Variants in HYDIN observed in about 807,000 individuals in gnomAD.
The protein encoded by HYDIN is HYDIN axonemal central pair apparatus protein, also known as axonemal central pair apparatus protein HYDIN.
A neutral mutation model predicts 403.9 loss-of-function variants in HYDIN; 132 were observed. The ratio of observed to expected loss-of-function variants is 0.33; its 90% confidence interval spans 0.28 to 0.38. The LOEUF (loss-of-function observed/expected upper bound fraction) is 0.38, where lower values mean the gene tolerates loss of function less well. Among genes scored for constraint, HYDIN ranks in the 10% least tolerant of loss-of-function variants. HYDIN has a pLI of 1.00. For synonymous variants in HYDIN, 1,202 were observed against 1,891.7 expected, an observed-to-expected ratio of 0.64 and a Z score of 9.46; for missense variants, 2,827 against 5,009.5, an observed-to-expected ratio of 0.56 and a Z score of 13.15.
intron 3 of HYDIN, among the ~76,000 whole-genome samples, chr16:71,183,235 C>T (rs1343212025): frequency 1.3e-5 from 2 of 151,796 alleles, no homozygotes; most frequent in African/African-American, 4.8e-5. Context: ...GAAATATATA[C>T]ATAACTCAAA....
intron 8 of HYDIN, among the ~76,000 whole-genome samples, chr16:71,133,987 C>A (rs571370236): frequency 6.6e-6 from 1 of 152,230 alleles, no homozygotes; most frequent in South Asian, 2.1e-4. Flanking sequence ...ATGGGAACAA[C>A]CCTCTGTCCC....
In HYDIN at chr16:70,805,578, G is replaced by A. The variant is rs546676800; in HGVS notation, c.*2002C>T. Among the ~76,000 whole-genome samples the A allele has an allele frequency of 5.9e-5, 9 of 152,310 alleles. No homozygotes were observed. In the South Asian group the frequency reaches 1.9e-3, roughly 32 times the overall value. On this transcript the variant is annotated 3_prime_UTR_variant, in exon 86 of 86. Coordinates refer to ENST00000393567, the MANE Select transcript of HYDIN (RefSeq NM_001270974.2). ...CAATCTGTTTCAGTAAGCCCTCCAG[G>A]GGATGCTGATGTATACTAATATTTC...
intron 19 of HYDIN, chr16:71,031,421 A>G: frequency 1.5e-6 from 2 of 1,309,454 alleles, no homozygotes; most frequent in Non-Finnish European, 9.8e-7. Flanking sequence ...CAGTTTGAGA[A>G]AAGAATGCAT....
At chr16:71,134,797 A>C (rs2084850524) in intron 8 of HYDIN, among the ~76,000 whole-genome samples, 1 of 152,202 alleles carries the variant, frequency 6.6e-6, no homozygotes, top group African/African-American at 2.4e-5. Flanking sequence ...ATAATAGGAA[A>C]GTTGTTTGCT....
In HYDIN at chr16:71,214,786, G is replaced by A. The variant is rs75704672; in HGVS notation, c.-24+15776C>T. 1.9e-3 allele frequency among the ~76,000 whole-genome samples: 292 copies of A among 152,318 alleles called. 5 individuals carry two copies. Among genetic ancestry groups the A allele is most frequent in the Admixed American group, 0.016 (250 of 15,300 alleles). On this transcript the variant is annotated intron_variant, in intron 1 of 85. Transcript: ENST00000393567. ...GTGGGACAAAACCTCAGTTGTCCAT[G>A]TTGATAGCCAACTTAAGAACACAGC... is the stretch of plus-strand genomic sequence containing the variant.
chr16:70,925,556 G>A (rs1333476667), intron 45 of HYDIN, among the ~76,000 whole-genome samples: 46 of 152,276 alleles, frequency 3.0e-4, no homozygotes, highest in African/African-American at 7.9e-4. Flanking sequence ...ATGGGCAAGG[G>A]CTTCATGTCT....
intron 50 of HYDIN, among the ~76,000 whole-genome samples, chr16:70,906,770 A>G (rs1163527492): frequency 6.6e-6 from 1 of 151,914 alleles, no homozygotes; most frequent in Admixed American, 6.6e-5. Flanking sequence ...ATGTTGTTGA[A>G]CCCTGTGGAC....
intron 1 of HYDIN, among the ~76,000 whole-genome samples, chr16:71,202,600 A>G (rs1598019707): frequency 6.6e-6 from 1 of 152,258 alleles, no homozygotes; most frequent in South Asian, 2.1e-4. Context: ...ACCTGCAACA[A>G]TCCATCCTTT....
At chr16:70,877,552 T>C (rs935251232) in intron 62 of HYDIN, among the ~76,000 whole-genome samples, 1 of 152,224 alleles carries the variant, frequency 6.6e-6, no homozygotes. Flanking sequence ...GGTTTTGGGT[T>C]GAAACTGTTC....
intron 1 of HYDIN, among the ~76,000 whole-genome samples, chr16:71,210,752 C>A (rs2088544532): frequency 6.6e-6 from 1 of 152,124 alleles, no homozygotes; most frequent in South Asian, 2.1e-4. Context: ...AAATTTCACT[C>A]ATTTAGATGA....
chr16:71,224,471 T>C (rs575923568), intron 1 of HYDIN, among the ~76,000 whole-genome samples: 23 of 152,322 alleles, frequency 1.5e-4, no homozygotes, highest in African/African-American at 5.5e-4. Flanking sequence ...GCTGCTCAAT[T>C]TGCAAATTGT....
At chr16:71,086,716 C>T (rs1314748026) in intron 12 of HYDIN, among the ~76,000 whole-genome samples, 6 of 152,258 alleles carry the variant, frequency 3.9e-5, no homozygotes, top group Non-Finnish European at 7.4e-5. Context: ...TTCCTGATGC[C>T]CAGTAGTCAG....
At position 70,992,051 on chromosome 16, in the gene HYDIN, A is replaced by G. The variant is rs771220601; in HGVS notation, c.3785+19T>C. 16 of 1,613,526 alleles carry G rather than the reference A, an allele frequency of 9.9e-6. No individual in the cohort carries two copies. The highest frequency in any genetic ancestry group is 1.4e-5 in the Non-Finnish European group (16 of 1,179,798). On this transcript the variant is annotated intron_variant, in intron 24 of 85. Transcript: ENST00000393567. Reference sequence around the variant, plus strand: ...AAAGAAAAGCTACTACAAATAATCTATGTTGGCTTTGCACTTACTTAACAA... The same window carrying G: ...AAAGAAAAGCTACTACAAATAATCTGTGTTGGCTTTGCACTTACTTAACAA...
At position 70,970,507 on chromosome 16, in the gene HYDIN, G is replaced by T. The variant is rs1453471209; in HGVS notation, c.5619+13C>A. On this transcript the variant is annotated intron_variant, in intron 36 of 85. Transcript: ENST00000393567. The stretch of plus-strand genomic sequence containing the variant: ...AACGTGTAGAAAAACAGTTTGGTTT[G>T]ACCTCTGCTCACCTTTTCTTCTATG... 6 of 1,601,436 alleles carry T rather than the reference G, an allele frequency of 3.7e-6. No homozygotes were observed. Among genetic ancestry groups the T allele is most frequent in the Non-Finnish European group, 4.3e-6 (5 of 1,171,668 alleles).
intron 18 of HYDIN, among the ~76,000 whole-genome samples, chr16:71,059,573 G>A (rs1263640944): frequency 1.3e-5 from 2 of 151,582 alleles, no homozygotes; most frequent in African/African-American, 2.4e-5. Context: ...ATTAACACAG[G>A]AACAGAAAAC....
intron 1 of HYDIN, among the ~76,000 whole-genome samples, chr16:71,229,353 A>G (rs1230519001): frequency 6.6e-6 from 1 of 152,226 alleles, no homozygotes; most frequent in Non-Finnish European, 1.5e-5. Flanking sequence ...CAAGGTTGCA[A>G]TTTGGCAGTT....
chr16:70,893,668 T>G (rs1356696632), intron 55 of HYDIN: 1 of 151,992 alleles, frequency 6.6e-6, no homozygotes, highest in Non-Finnish European at 1.5e-5. Flanking sequence ...ACAAGTGATA[T>G]GACCACCACG....
chr16:71,031,408 A>G (rs7191383), intron 19 of HYDIN: 1 of 1,282,934 alleles, frequency 7.8e-7, no homozygotes, highest in South Asian at 1.9e-5. Flanking sequence ...ATCACAGAGT[A>G]GCCAGTTTGA....
chr16:70,811,833 G>A (rs557225529), intron 84 of HYDIN, among the ~76,000 whole-genome samples: 2 of 147,982 alleles, frequency 1.4e-5, no homozygotes, highest in South Asian at 2.2e-4. Context: ...CTCCAGCCTG[G>A]GCCACAAGAG....
Sources: allele counts gnomAD v4.1 joint callset (sites outside exome capture counted in the v4.1 genomes callset), GRCh38; gene constraint gnomAD v4.1.1; transcripts MANE v1.5; gene names NCBI Gene and HGNC (gene_info 2026-07-23, HGNC 2026-07-21).